The following ZNF367 variants were observed in gnomAD, a reference collection of about 807,000 sequenced individuals.
ZNF367 encodes the protein zinc finger protein 367.
In ZNF367, 11 loss-of-function variants were observed where a neutral mutation model predicts 31.8. The observed-to-expected ratio is 0.35, with a 90% CI of 0.22 to 0.57. The LOEUF (loss-of-function observed/expected upper bound fraction) is 0.57, where lower values mean the gene tolerates loss of function less well. Ranked by LOEUF, ZNF367 falls within the 20% of genes least tolerant of loss-of-function variation. ZNF367 has a pLI of 0.85. For missense variants in ZNF367, 353 were observed against 484.1 expected, an observed-to-expected ratio of 0.73 and a Z score of 2.54; for synonymous variants, 199 against 202.4, an observed-to-expected ratio of 0.98 and a Z score of 0.14.
At chr9:96,398,513 T>C (rs1029970128) in intron 1 of ZNF367, among the ~76,000 whole-genome samples, 199 bp from the exon 2 acceptor site, 1 of 152,128 alleles carries the variant, frequency 6.6e-6, no homozygotes, top group Non-Finnish European at 1.5e-5. Context: ...CAAAACATTT[T>C]TGTTTTGTCT....
intron 1 of ZNF367, chr9:96,407,779 GA>G: frequency 3.7e-6 from 5 of 1,338,036 alleles, no homozygotes; most frequent in Non-Finnish European, 5.1e-6. Flanking sequence ...ACCTAAATAT[GA>G]AAGATTCATC....
intron 4 of ZNF367, among the ~76,000 whole-genome samples, chr9:96,390,585 C>G (rs1831460267): frequency 6.6e-6 from 1 of 152,112 alleles, no homozygotes; most frequent in African/African-American, 2.4e-5. Context: ...ACTGAGTAGA[C>G]AGCAGAAAGA....
chr9:96,411,761 A>G (rs1230922730), intron 1 of ZNF367, among the ~76,000 whole-genome samples: 1 of 152,180 alleles, frequency 6.6e-6, no homozygotes. Flanking sequence ...TGAAATATAC[A>G]GCATAATACA....
At chr9:96,416,941 T>C (rs1831838945) in intron 1 of ZNF367, among the ~76,000 whole-genome samples, 1 of 152,128 alleles carries the variant, frequency 6.6e-6, no homozygotes, top group Non-Finnish European at 1.5e-5. Flanking sequence ...CGTGGGAAGG[T>C]CGCCTCACTA....
intron 1 of ZNF367, among the ~76,000 whole-genome samples, chr9:96,399,176 T>C (rs1831569656): frequency 6.6e-6 from 1 of 152,066 alleles, no homozygotes; most frequent in Admixed American, 6.6e-5. Context: ...AGAAAAGATC[T>C]GAAAAGACCC....
intron 1 of ZNF367, among the ~76,000 whole-genome samples, chr9:96,415,280 G>A (rs1289200912): frequency 6.8e-6 from 1 of 147,834 alleles, no homozygotes; most frequent in Non-Finnish European, 1.5e-5. Flanking sequence ...TGTTAGCCAG[G>A]ATGGTCTCTA....
In ZNF367 at chr9:96,418,367, C is replaced by G. The variant is rs1831866417; in HGVS notation, c.-335G>C. 6.5e-6 allele frequency: 2 copies of G among 307,762 alleles called. No individual in the cohort carries two copies. The highest frequency in any genetic ancestry group is 1.2e-5 in the Non-Finnish European group (2 of 168,458). 19.1% of individuals were successfully genotyped at this position (307,762 alleles called of 1,614,324 possible). A position where few individuals can be genotyped will look rare whatever the true frequency, so the allele number is the denominator to read the frequency against. On this transcript the variant is annotated 5_prime_UTR_variant, in exon 1 of 5. Coordinates refer to ENST00000375256, the MANE Select transcript of ZNF367 (RefSeq NM_153695.4). ...CCCCAAAAATAACAACCTGCCGCCGCGGTGCCTGCCCCGGCTTTTCCCGCG... is the reference window on the plus strand; with the variant it reads ...CCCCAAAAATAACAACCTGCCGCCGGGGTGCCTGCCCCGGCTTTTCCCGCG...
chr9:96,409,556 T>C (rs1477959459), intron 1 of ZNF367, among the ~76,000 whole-genome samples: 1 of 152,264 alleles, frequency 6.6e-6, no homozygotes, highest in Non-Finnish European at 1.5e-5. Flanking sequence ...AAAAAGCTCA[T>C]CAACCTTACT....
At position 96,388,398 on chromosome 9, in the gene ZNF367, C is replaced by G. The variant is rs1432434599; in HGVS notation, c.892G>C (p.Asp298His). The G allele has an allele frequency of 3.7e-6, 6 of 1,613,980 alleles. No individual in the cohort carries two copies. The highest frequency in any genetic ancestry group is 5.1e-6 in the Non-Finnish European group (6 of 1,180,050). The change falls in exon 5 of 5, where the codon GAT becomes CAT. Residue 298 changes from aspartate to histidine, a missense_variant. Physicochemically the swap from Asp to His is moderately conservative, Grantham distance 81. This residue lies in a region of ZNF367 where 101 missense variants were observed against 140.0 expected (regional missense o/e 0.72). Transcript: ENST00000375256. ...TCCAGAGGGTCCTGCTGCTCCTGAT[C>G]AGCCTTCTGAACCAGCTTGCCTTTC... ...TLKGKLVQKA[D>H]QEQQDPLEYL...
chr9:96,405,560 CAT>C (rs530018831), intron 1 of ZNF367, among the ~76,000 whole-genome samples: 1 of 151,618 alleles, frequency 6.6e-6, no homozygotes, highest in Non-Finnish European at 1.5e-5. Flanking sequence ...GTATCGATAT[CAT>C]ATATATATAC....
intron 4 of ZNF367, among the ~76,000 whole-genome samples, chr9:96,390,128 A>T (rs1223259340): frequency 4.1e-5 from 6 of 146,518 alleles, no homozygotes; most frequent in Non-Finnish European, 9.0e-5. Context: ...CTGATCTTGA[A>T]CTCCTGACCT....
At chr9:96,405,905 T>G (rs1831666301) in intron 1 of ZNF367, among the ~76,000 whole-genome samples, 2 of 152,230 alleles carry the variant, frequency 1.3e-5, no homozygotes, top group South Asian at 4.1e-4. Flanking sequence ...GATTGTACAC[T>G]TTAAAATGAC....
chr9:96,399,201 C>T (rs1169962413), intron 1 of ZNF367, among the ~76,000 whole-genome samples: 1 of 151,988 alleles, frequency 6.6e-6, no homozygotes, highest in Non-Finnish European at 1.5e-5. Flanking sequence ...GCTGAACTTT[C>T]GGCTCAGCAC....
At chr9:96,408,160 A>G (rs1416123779) in intron 1 of ZNF367, among the ~76,000 whole-genome samples, 1 of 152,104 alleles carries the variant, frequency 6.6e-6, no homozygotes, top group Non-Finnish European at 1.5e-5. Context: ...ATGTATACAT[A>G]TGGAACAAAC....
intron 4 of ZNF367, among the ~76,000 whole-genome samples, chr9:96,390,574 C>T (rs943188085): frequency 2.6e-5 from 4 of 152,086 alleles, no homozygotes; most frequent in African/African-American, 7.2e-5. Context: ...ATAACTTGGT[C>T]ACTGAGTAGA....
In ZNF367 at chr9:96,417,302, G is replaced by A. The variant is rs1022736481; in HGVS notation, c.420+311C>T. On this transcript the variant is annotated intron_variant, in intron 1 of 4. Coordinates refer to ENST00000375256, the MANE Select transcript of ZNF367 (RefSeq NM_153695.4). The surrounding 1 kb of genome is among the most constrained non-coding windows in gnomAD (Gnocchi z 5.0). The stretch of plus-strand genomic sequence containing the variant: ...ATCCCTCTCGTTTCCTCTCGGAACT[G>A]AGGACTCGGCAGCCCGCCGGGAGGA... Among the ~76,000 whole-genome samples the A allele has an allele frequency of 2.0e-5, 3 of 152,116 alleles. No homozygotes were observed. The highest frequency in any genetic ancestry group is 4.4e-5 in the Non-Finnish European group (3 of 68,014).
rs993633896 is a variant in ZNF367 at position 96,391,112 on chromosome 9, T to C, written c.830+1286A>G. ...AATCAAATAGTATTTCCAGATTCCA[T>C]TATATAATTCTTATGTATTTTTATC... On this transcript the variant is annotated intron_variant, in intron 4 of 4. Transcript: ENST00000375256. Among the ~76,000 whole-genome samples, 13 of 152,132 alleles carry C rather than the reference T, an allele frequency of 8.5e-5. 1 individual carries two copies. Among genetic ancestry groups the C allele is most frequent in the Non-Finnish European group, 1.5e-5 (1 of 68,024 alleles).
In ZNF367 at chr9:96,392,418, G is replaced by A. The variant is rs201934182; in HGVS notation, c.810C>T (p.Ala270=). ...CTGACCTCGCCAGCCACTCGGCCGC[G>A]GCCTTGTTGTCGGCAGCCTGATGTT... The part of the protein sequence containing the change: ...LSKHQAADNK[A]AAEWLARYWE... Residue 270 remains alanine (A), a synonymous_variant, in exon 4 of 5, where the codon GCC becomes GCT. Transcript: ENST00000375256. 326 of 1,614,190 alleles carry A rather than the reference G, an allele frequency of 2.0e-4. No homozygotes were observed. The East Asian group carries it at 5.3e-3, about 26-fold the overall frequency.
chr9:96,388,159 G>A lies in ZNF367; in HGVS notation c.*78C>T. Reference sequence around the variant, plus strand: ...GCAGCCTATGATAAGCAAATAAGGTGCTTAGCTTATGCCCAAGGATCTACT... The same window carrying A: ...GCAGCCTATGATAAGCAAATAAGGTACTTAGCTTATGCCCAAGGATCTACT... On this transcript the variant is annotated 3_prime_UTR_variant, in exon 5 of 5. Coordinates refer to ENST00000375256, the MANE Select transcript of ZNF367 (RefSeq NM_153695.4). 1 of 1,372,264 alleles carries A rather than the reference G, an allele frequency of 7.3e-7. No homozygotes were observed. Among genetic ancestry groups the A allele is most frequent in the Non-Finnish European group, 9.9e-7 (1 of 1,008,610 alleles). 85.0% of individuals were successfully genotyped at this position (1,372,264 alleles called of 1,614,324 possible).
Sources: allele counts gnomAD v4.1 joint callset (sites outside exome capture counted in the v4.1 genomes callset), GRCh38; gene constraint gnomAD v4.1.1; regional missense constraint gnomAD v4.1.1; non-coding constraint Gnocchi (gnomAD v3.1); transcripts MANE v1.5; gene names NCBI Gene and HGNC (gene_info 2026-07-23, HGNC 2026-07-21).